Variants in PDZRN4 observed in about 807,000 individuals in gnomAD.
PDZRN4 encodes the protein PDZ domain containing ring finger 4.
In PDZRN4, 70 loss-of-function variants were observed where a neutral mutation model predicts 99.0. The ratio of observed to expected loss-of-function variants is 0.71; its 90% CI spans 0.58 to 0.86. The LOEUF (loss-of-function observed/expected upper bound fraction) is 0.86, where lower values mean the gene tolerates loss of function less well. Ranked by LOEUF, PDZRN4 falls within the 40% of genes least tolerant of loss-of-function variation. PDZRN4 has a pLI of 0.00. For synonymous variants in PDZRN4, 551 were observed against 501.6 expected (o/e 1.10, Z -1.32); for missense variants, 1,474 against 1,331.2 (o/e 1.11, Z -1.67).
intron 3 of PDZRN4, among the ~76,000 whole-genome samples, chr12:41,392,244 A>G (rs1013919853): frequency 1.2e-4 from 19 of 152,118 alleles, no homozygotes; most frequent in Non-Finnish European, 2.9e-5. Context: ...AATGATTCTT[A>G]TGTTTCTTTG....
chr12:41,417,061 G>T lies in PDZRN4; in HGVS notation c.844-89395G>T, dbSNP rs141155030. Among the ~76,000 whole-genome samples, 936 of 152,136 alleles carry T rather than the reference G, an allele frequency of 6.2e-3. 10 individuals carry two copies. Among genetic ancestry groups the T allele is most frequent in the African/African-American group, 0.021 (888 of 41,512 alleles). ...AACTAAAGAGGTAACCTCTGTTTAT[G>T]GCTTTTAGATTTGGAATGTTCAGAA... On this transcript the variant is annotated intron_variant, in intron 3 of 9. Transcript: ENST00000402685.
At chr12:41,531,966 A>G (rs1297971948) in intron 5 of PDZRN4, among the ~76,000 whole-genome samples, 2 of 152,124 alleles carry the variant, frequency 1.3e-5, no homozygotes, top group Non-Finnish European at 2.9e-5. Flanking sequence ...TAATTTTTTT[A>G]TGGTTCATGA....
intron 3 of PDZRN4, among the ~76,000 whole-genome samples, chr12:41,307,578 C>A (rs1268469905): frequency 6.6e-6 from 1 of 150,988 alleles, no homozygotes; most frequent in Non-Finnish European, 1.5e-5. Context: ...ATGAGGAGAT[C>A]CTTACATGAA....
chr12:41,188,891 C>G lies in PDZRN4; in HGVS notation c.436C>G (p.Arg146Gly). Residue 146 changes from arginine (R) to glycine (G), a missense_variant, in exon 1 of 10, where the codon CGC becomes GGC. Transcript: ENST00000402685. The stretch of plus-strand genomic sequence containing the variant: ...CAGGGCTGGCCGGGGCGGGGGCGCG[C>G]GCGGGGGGCCGCCGGGCGGCCGCTG... ...TPRAGRGGGA[R>G]GGPPGGRWGR... The G allele has an allele frequency of 4.6e-6, 5 of 1,084,856 alleles. No individual in the cohort carries two copies. Among genetic ancestry groups the G allele is most frequent in the Non-Finnish European group, 5.6e-6 (5 of 895,850 alleles). 67.2% of individuals were successfully genotyped at this position (1,084,856 alleles called of 1,614,324 possible). A position where few individuals can be genotyped will look rare whatever the true frequency, so the allele number is the denominator to read the frequency against.
At chr12:41,476,318 A>G (rs901389994) in intron 3 of PDZRN4, among the ~76,000 whole-genome samples, 1 of 152,240 alleles carries the variant, frequency 6.6e-6, no homozygotes, top group African/African-American at 2.4e-5. Flanking sequence ...TGCTAAAGAA[A>G]CAGCATAACA....
intron 3 of PDZRN4, among the ~76,000 whole-genome samples, chr12:41,448,110 C>T (rs748267924): frequency 9.9e-5 from 15 of 152,096 alleles, no homozygotes; most frequent in Admixed American, 1.3e-4. Context: ...GGGAAGGTGA[C>T]TTGTCACTCC....
intron 3 of PDZRN4, among the ~76,000 whole-genome samples, chr12:41,323,074 T>C (rs983620198): frequency 1.3e-5 from 2 of 152,130 alleles, no homozygotes; most frequent in Non-Finnish European, 2.9e-5. Flanking sequence ...GGTAGCTAGA[T>C]TAGTGGTTGC....
At chr12:41,348,940 ACG>A (rs1951873232) in intron 3 of PDZRN4, among the ~76,000 whole-genome samples, 1 of 151,972 alleles carries the variant, frequency 6.6e-6, no homozygotes, top group South Asian at 2.1e-4. Context: ...CCATCTATGT[ACG>A]TATATGAATC....
intron 8 of PDZRN4, 116 bp from the exon 9 acceptor site, chr12:41,567,667 C>G: frequency 1.1e-5 from 4 of 350,204 alleles, no homozygotes; most frequent in South Asian, 6.1e-5. Flanking sequence ...GGCTGGTATT[C>G]TGAAGAGAAT....
At chr12:41,374,059 T>C (rs1952062494) in intron 3 of PDZRN4, among the ~76,000 whole-genome samples, 1 of 152,148 alleles carries the variant, frequency 6.6e-6, no homozygotes, top group African/African-American at 2.4e-5. Flanking sequence ...TAGGGACTTA[T>C]GCTTGAACAC....
rs377209311 is a variant in PDZRN4 at position 41,313,638 on chromosome 12, C to T, written c.843+119450C>T. 1.2e-3 allele frequency among the ~76,000 whole-genome samples: 186 copies of T among 152,310 alleles called. No individual in the cohort carries two copies. In the South Asian group the frequency reaches 0.015, roughly 12 times the overall value. Reference sequence around the variant, plus strand: ...TGACTCTCCAAGAGAAGGAATTCTTCCTCCTCGTTGAGCCCCATCCATGGA... The same window carrying T: ...TGACTCTCCAAGAGAAGGAATTCTTTCTCCTCGTTGAGCCCCATCCATGGA... On this transcript the variant is annotated intron_variant, in intron 3 of 9. Transcript: ENST00000402685.
chr12:41,272,858 G>A (rs1420228755), intron 3 of PDZRN4, among the ~76,000 whole-genome samples: 1 of 152,014 alleles, frequency 6.6e-6, no homozygotes, highest in African/African-American at 2.4e-5. Flanking sequence ...CATGGGATGA[G>A]TTGGTTAAGT....
chr12:41,257,083 C>T (rs1951208808), intron 3 of PDZRN4, among the ~76,000 whole-genome samples: 1 of 152,208 alleles, frequency 6.6e-6, no homozygotes, highest in African/African-American at 2.4e-5. Context: ...CACTTCCTCT[C>T]AGTACCCCAA....
At chr12:41,347,727 G>T (rs1336621530) in intron 3 of PDZRN4, among the ~76,000 whole-genome samples, 2 of 152,024 alleles carry the variant, frequency 1.3e-5, no homozygotes, top group Non-Finnish European at 2.9e-5. Context: ...TTATCTCAAG[G>T]TTACAAAGAC....
At chr12:41,566,818 G>T (rs1939380073) in intron 8 of PDZRN4, among the ~76,000 whole-genome samples, 1 of 152,096 alleles carries the variant, frequency 6.6e-6, no homozygotes, top group African/African-American at 2.4e-5. Context: ...CTATTTCTTT[G>T]TACAGGGTGA....
At chr12:41,296,433 A>C (rs1951494601) in intron 3 of PDZRN4, among the ~76,000 whole-genome samples, 1 of 152,166 alleles carries the variant, frequency 6.6e-6, no homozygotes, top group Non-Finnish European at 1.5e-5. Context: ...AAAGAACAGT[A>C]ACTTCTTCTT....
chr12:41,201,711 G>A (rs79450342), intron 3 of PDZRN4, among the ~76,000 whole-genome samples: 2,863 of 152,058 alleles, frequency 0.019, 65 homozygotes, highest in South Asian at 0.077. Context: ...TGTAACATCC[G>A]ATTCCTTCTT....
At chr12:41,563,511 A>G (rs1312408125) in intron 7 of PDZRN4, 37 bp from the exon 8 acceptor site, 1 of 1,408,614 alleles carries the variant, frequency 7.1e-7, no homozygotes, top group Non-Finnish European at 1.0e-6. Context: ...GCATTGTGGA[A>G]ATGGAAACTA....
At chr12:41,222,937 T>G (rs1356543266) in intron 3 of PDZRN4, among the ~76,000 whole-genome samples, 2 of 152,186 alleles carry the variant, frequency 1.3e-5, no homozygotes, top group Non-Finnish European at 2.9e-5. Context: ...AATTCTTACC[T>G]TGGCTAGAAC....
Sources: gnomAD v4.1 joint callset for allele counts (sites outside exome capture counted in the v4.1 genomes callset) on GRCh38, gnomAD v4.1.1 for gene constraint, MANE v1.5 for transcripts, NCBI Gene and HGNC (gene_info 2026-07-23, HGNC 2026-07-21) for gene names.